OPCML: variants seen among roughly 807,000 people sequenced by gnomAD.
The protein encoded by OPCML is opioid binding protein/cell adhesion molecule like.
A neutral mutation model predicts 37.8 loss-of-function variants in OPCML; 13 were observed. The observed-to-expected ratio is 0.34, with a 90% CI of 0.22 to 0.55. The LOEUF is 0.55. OPCML is among the 20% of genes least tolerant of loss of function. OPCML has a pLI of 0.91. For synonymous variants in OPCML, 176 were observed against 168.8 expected (o/e 1.04, Z -0.33); for missense variants, 341 against 435.6 (o/e 0.78, Z 1.93).
At chr11:132,480,977 C>T (rs938719147) in intron 4 of OPCML, among the ~76,000 whole-genome samples, 1 of 151,268 alleles carries the variant, frequency 6.6e-6, no homozygotes, top group Non-Finnish European at 1.5e-5. Flanking sequence ...AGCAAAATAA[C>T]CAGCTAACAT....
intron 1 of OPCML, among the ~76,000 whole-genome samples, chr11:133,213,395 T>C (rs2136345905): frequency 6.6e-6 from 1 of 152,312 alleles, no homozygotes; most frequent in East Asian, 1.9e-4. Flanking sequence ...ACATCTAATG[T>C]AGAAAGACAT....
At chr11:132,719,356 C>T (rs1210213726) in intron 2 of OPCML, among the ~76,000 whole-genome samples, 1 of 152,188 alleles carries the variant, frequency 6.6e-6, no homozygotes, top group Non-Finnish European at 1.5e-5. Flanking sequence ...TAACACTCTC[C>T]TCTTCTGAGT....
chr11:132,611,942 G>T (rs1036614002), intron 3 of OPCML, among the ~76,000 whole-genome samples: 1 of 152,122 alleles, frequency 6.6e-6, no homozygotes, highest in Non-Finnish European at 1.5e-5. Flanking sequence ...TTACAGTAGC[G>T]ACCGGAGGAG....
At chr11:132,447,153 A>G (rs1470787473) in intron 4 of OPCML, among the ~76,000 whole-genome samples, 1 of 152,196 alleles carries the variant, frequency 6.6e-6, no homozygotes, top group African/African-American at 2.4e-5. Flanking sequence ...TTTCCTTCTA[A>G]TGCCAACTGC....
chr11:132,667,049 C>T (rs1942256610), intron 2 of OPCML, among the ~76,000 whole-genome samples: 1 of 152,136 alleles, frequency 6.6e-6, no homozygotes, highest in Admixed American at 6.5e-5. Flanking sequence ...AGGAAGGAGT[C>T]ATCAGAGAAT....
intron 2 of OPCML, among the ~76,000 whole-genome samples, chr11:132,805,119 C>T (rs570752317): frequency 6.6e-6 from 1 of 152,024 alleles, no homozygotes; most frequent in Non-Finnish European, 1.5e-5. Flanking sequence ...AATTCTAGAA[C>T]TGGGAAGTAC....
intron 3 of OPCML, among the ~76,000 whole-genome samples, chr11:132,607,313 T>G (rs910995045): frequency 3.3e-5 from 5 of 152,186 alleles, no homozygotes; most frequent in African/African-American, 1.2e-4. Flanking sequence ...TACAGCATCA[T>G]GAGGTTGGGT....
intron 4 of OPCML, among the ~76,000 whole-genome samples, chr11:132,517,405 C>T (rs1380559935): frequency 6.6e-6 from 1 of 152,130 alleles, no homozygotes; most frequent in African/African-American, 2.4e-5. Flanking sequence ...AGGAAACAAA[C>T]CTTTCTAAGA....
intron 2 of OPCML, among the ~76,000 whole-genome samples, chr11:132,936,657 C>G (rs1248808511): frequency 6.6e-6 from 1 of 152,084 alleles, no homozygotes; most frequent in Non-Finnish European, 1.5e-5. Context: ...GAAAGCCATA[C>G]ACAGATCTAG....
intron 3 of OPCML, 29 bp from the exon 4 acceptor site, chr11:132,529,215 C>A (rs779978244): frequency 9.5e-6 from 15 of 1,581,208 alleles, no homozygotes; most frequent in Non-Finnish European, 1.3e-5. Context: ...GAAGAAATAC[C>A]TGAGAATAAT....
chr11:132,682,876 T>A (rs1034212900), intron 2 of OPCML, among the ~76,000 whole-genome samples: 9 of 152,238 alleles, frequency 5.9e-5, no homozygotes, highest in African/African-American at 1.7e-4. Flanking sequence ...GGAAGGTCTT[T>A]CACGCTCTCA....
chr11:132,442,360 C>A (rs1311888903), intron 4 of OPCML, among the ~76,000 whole-genome samples: 3 of 152,194 alleles, frequency 2.0e-5, no homozygotes, highest in African/African-American at 7.2e-5. Context: ...TGACCGACTT[C>A]TCTTTTCTTT....
At chr11:132,821,009 G>C (rs1939953577) in intron 2 of OPCML, among the ~76,000 whole-genome samples, 2 of 152,180 alleles carry the variant, frequency 1.3e-5, no homozygotes, top group Non-Finnish European at 2.9e-5. Flanking sequence ...TGCATCACTT[G>C]AATGTACCAT....
chr11:133,391,509 C>G (rs1565609752), intron 1 of OPCML, among the ~76,000 whole-genome samples: 1 of 152,186 alleles, frequency 6.6e-6, no homozygotes, highest in South Asian at 2.1e-4. Flanking sequence ...CCCCCAGTTC[C>G]AACCATCCTT....
intron 2 of OPCML, among the ~76,000 whole-genome samples, chr11:132,728,762 C>T (rs1944973306): frequency 6.6e-6 from 1 of 152,116 alleles, no homozygotes; most frequent in Admixed American, 6.5e-5. Flanking sequence ...ATTTAATCAT[C>T]ATAATAATAC....
At chr11:132,606,492 T>C (rs985376658) in intron 3 of OPCML, among the ~76,000 whole-genome samples, 2 of 152,146 alleles carry the variant, frequency 1.3e-5, no homozygotes, top group African/African-American at 4.8e-5. Context: ...GCTTTGTAAT[T>C]TGAGGGAAAA....
chr11:132,482,608 A>C (rs1361213327), intron 4 of OPCML, among the ~76,000 whole-genome samples: 8 of 152,190 alleles, frequency 5.3e-5, no homozygotes, highest in Non-Finnish European at 8.8e-5. Context: ...CTGGGCAGAG[A>C]CACAACCAAA....
At chr11:132,924,747 G>A (rs143236013) in intron 2 of OPCML, among the ~76,000 whole-genome samples, 2 of 152,260 alleles carry the variant, frequency 1.3e-5, no homozygotes, top group African/African-American at 4.8e-5. Context: ...TTGTGTGTTC[G>A]TTTGTTTGCC....
At chr11:132,969,179 C>T (rs564371530) in intron 1 of OPCML, among the ~76,000 whole-genome samples, 68 of 141,376 alleles carry the variant, frequency 4.8e-4, no homozygotes, top group African/African-American at 1.6e-3. Context: ...CATTTTTTAA[C>T]GTTAGTTTTG....
Sources: allele counts gnomAD v4.1 joint callset (sites outside exome capture counted in the v4.1 genomes callset), GRCh38; gene constraint gnomAD v4.1.1; transcripts MANE v1.5; gene names NCBI Gene and HGNC (gene_info 2026-07-23, HGNC 2026-07-21).